Variants in LONP1 observed in about 807,000 individuals in gnomAD.
LONP1 encodes lon peptidase 1, mitochondrial, also known as lon protease homolog, mitochondrial.
A neutral mutation model predicts 98.5 loss-of-function variants in LONP1; 31 were observed. The observed-to-expected ratio is 0.31, with a 90% CI of 0.24 to 0.42. The LOEUF is 0.42. Among genes scored for constraint, LONP1 ranks in the 20% least tolerant of loss-of-function variants. LONP1 has a pLI of 1.00. For missense variants in LONP1, 1,336 were observed against 1,350.6 expected, an observed-to-expected ratio of 0.99 and a Z score of 0.17; for synonymous variants, 781 against 594.7, an observed-to-expected ratio of 1.31 and a Z score of -4.56.
intron 1 of LONP1, among the ~76,000 whole-genome samples, chr19:5,714,623 T>TC (rs1350215056): frequency 4.7e-5 from 7 of 147,722 alleles, no homozygotes; most frequent in Non-Finnish European, 9.0e-5. Context: ...CTTTTCTTTT[T>TC]TTTTTTTTTT....
At chr19:5,699,357 A>G (rs1047700167) in intron 9 of LONP1, 152 bp from the exon 10 acceptor site, 1 of 506,898 alleles carries the variant, frequency 2.0e-6, no homozygotes, top group Non-Finnish European at 3.2e-6. Context: ...CAGAGCTGCC[A>G]CTGGCCACGG....
intron 1 of LONP1, among the ~76,000 whole-genome samples, chr19:5,718,443 A>G (rs2055358744): frequency 6.6e-6 from 1 of 150,742 alleles, no homozygotes; most frequent in South Asian, 2.1e-4. Flanking sequence ...GCGCCACTGC[A>G]CTTTAGCCTA....
chr19:5,702,371 G>A (rs1240802758), intron 8 of LONP1, among the ~76,000 whole-genome samples: 36 of 138,922 alleles, frequency 2.6e-4, no homozygotes, highest in South Asian at 2.4e-4. Context: ...TCAGCCCCCC[G>A]CCCGGCCAGC....
In LONP1 at chr19:5,700,716, A is replaced by G; in HGVS notation, c.1506+73T>C. 1.9e-6 allele frequency: 3 copies of G among 1,581,262 alleles called. No individual in the cohort carries two copies. The South Asian group carries it at 3.4e-5, about 18-fold the overall frequency. On this transcript the variant is annotated intron_variant, in intron 9 of 17. Transcript: ENST00000360614. ...ACCAGGGGGCTCCTTTGAAATCTCAACCCACAGCACACAAGAGTCCTGGGC... is the reference window on the plus strand; with the variant it reads ...ACCAGGGGGCTCCTTTGAAATCTCAGCCCACAGCACACAAGAGTCCTGGGC...
At chr19:5,708,294 A>G in intron 5 of LONP1, 48 bp downstream of exon 5, 1 of 1,563,820 alleles carries the variant, frequency 6.4e-7, no homozygotes, top group South Asian at 1.1e-5. Context: ...CTGCAGAAAG[A>G]GCTGCAGAGA....
intron 17 of LONP1, 112 bp from the exon 18 acceptor site, chr19:5,692,320 G>T: frequency 1.8e-6 from 2 of 1,103,170 alleles, no homozygotes; most frequent in Non-Finnish European, 2.6e-6. Flanking sequence ...AGTGATGCCG[G>T]GTTCTAAGCA....
rs755463789 is a variant in LONP1 at position 5,711,758 on chromosome 19, C to T, written c.870+13G>A. ...AGGCAGCTGTGGCCGCCCTGCGTGA[C>T]GCACGGACTCACTTTCACCTCCTCC... On this transcript the variant is annotated intron_variant, in intron 4 of 17. Coordinates refer to ENST00000360614, the MANE Select transcript of LONP1 (RefSeq NM_004793.4). The T allele has an allele frequency of 2.0e-5, 32 of 1,598,762 alleles. No individual in the cohort carries two copies. Among genetic ancestry groups the T allele is most frequent in the African/African-American group, 5.4e-5 (4 of 74,726 alleles).
intron 8 of LONP1, among the ~76,000 whole-genome samples, chr19:5,704,596 T>C (rs2055113718): frequency 6.6e-6 from 1 of 152,194 alleles, no homozygotes; most frequent in South Asian, 2.1e-4. Context: ...AACTGGTTCC[T>C]GGGCTGAAAA....
At position 5,707,830 on chromosome 19, in the gene LONP1, G is replaced by A; in HGVS notation, c.933-4C>T. 1 of 1,612,722 alleles carries A rather than the reference G, an allele frequency of 6.2e-7. No homozygotes were observed. Among genetic ancestry groups the A allele is most frequent in the Non-Finnish European group, 8.5e-7 (1 of 1,179,752 alleles). ...CATCATCTGCAGCACTGACTCCCTG[G>A]GGGACAAAGGGAGCTGCCTCGGTGG... On this transcript the variant is annotated splice_polypyrimidine_tract_variant and splice_region_variant and intron_variant, in intron 5 of 17. Transcript: ENST00000360614.
Position 5,695,974 on chromosome 19 carries a change from C to T in LONP1, c.2013+80G>A, listed in dbSNP as rs1167087905. On this transcript the variant is annotated intron_variant, in intron 13 of 17. Coordinates refer to ENST00000360614, the MANE Select transcript of LONP1 (RefSeq NM_004793.4). ...TGTCTCTCCCGGGCCCAGGAGCTCC[C>T]AGAGGCACGGCCTCTGCAGGCTCTG... The T allele has an allele frequency of 2.3e-6, 3 of 1,319,154 alleles. No individual in the cohort carries two copies. In the African/African-American group the frequency reaches 4.4e-5, roughly 19 times the overall value. The allele number at this position is 1,319,154 out of a possible 1,614,324, so 81.7% of individuals were successfully genotyped here. A position where few individuals can be genotyped will look rare whatever the true frequency, so the allele number is the denominator to read the frequency against.
At chr19:5,692,270 C>T (rs931720907) in intron 17 of LONP1, 62 bp from the exon 18 acceptor site, 1 of 1,517,108 alleles carries the variant, frequency 6.6e-7, no homozygotes, top group Non-Finnish European at 8.9e-7. Context: ...GTGTGCTAAC[C>T]TCCAGGAACG....
At chr19:5,711,624 G>C (rs2055238092) in intron 4 of LONP1, 147 bp downstream of exon 4, 1 of 648,970 alleles carries the variant, frequency 1.5e-6, no homozygotes, top group South Asian at 2.0e-5. Flanking sequence ...CACCCTCTAT[G>C]TTCCATTAGA....
Position 5,699,142 on chromosome 19 carries a change from G to C in LONP1, c.1570C>G (p.Pro524Ala). The C allele has an allele frequency of 6.4e-7, 1 of 1,560,326 alleles. No homozygotes were observed. Among genetic ancestry groups the C allele is most frequent in the Non-Finnish European group, 8.7e-7 (1 of 1,146,364 alleles). Residue 524 changes from proline (P) to alanine (A), a missense_variant, in exon 10 of 18, where the codon CCC becomes GCC. By Grantham distance (27) the Pro-to-Ala change is conservative. Coordinates refer to ENST00000360614, the MANE Select transcript of LONP1 (RefSeq NM_004793.4). ...TQGKILCFYG[P>A]PGVGKTSIAR... ...ATGCTGGTCTTACCCACGCCAGGGG[G>C]GCCATAGAAGCAGAGGATCTTGCCC...
intron 9 of LONP1, 117 bp from the exon 10 acceptor site, chr19:5,699,322 G>C (rs943144887): frequency 2.6e-6 from 2 of 783,666 alleles, no homozygotes; most frequent in East Asian, 3.2e-5. Flanking sequence ...GAAGGGACCA[G>C]GATTGTCCGG....
At chr19:5,700,340 C>T (rs910115777) in intron 9 of LONP1, among the ~76,000 whole-genome samples, 5 of 152,118 alleles carry the variant, frequency 3.3e-5, no homozygotes, top group African/African-American at 9.7e-5. Flanking sequence ...CTTCAACTCC[C>T]GACCTCAGGT....
chr19:5,713,111 A>G, intron 3 of LONP1, 23 bp downstream of exon 3: 1 of 1,608,470 alleles, frequency 6.2e-7, no homozygotes, highest in Non-Finnish European at 8.5e-7. Flanking sequence ...CCCACCTCCC[A>G]CTGTCCCCCG....
At chr19:5,720,237 G>A (rs898586017), upstream of LONP1, 19 of 1,366,176 alleles carry the variant, frequency 1.4e-5, no homozygotes, top group Non-Finnish European at 1.8e-5. Flanking sequence ...CGCGTGGCTC[G>A]AAACAGCCGC....
chr19:5,707,205 AG>A (rs942882134), intron 6 of LONP1, 62 bp from the exon 7 acceptor site: 20 of 1,395,496 alleles, frequency 1.4e-5, no homozygotes, highest in African/African-American at 2.8e-5. Context: ...TGTAGGGCCG[AG>A]GTTGGGGGAA....
Position 5,691,919 on chromosome 19 carries a change from A to ACCGAGCTGCTCGCTCGGTGGCTC in LONP1, c.*90_*112dup, listed in dbSNP as rs1555707710. On this transcript the variant is annotated 3_prime_UTR_variant, in exon 18 of 18. Coordinates refer to ENST00000360614, the MANE Select transcript of LONP1 (RefSeq NM_004793.4). The stretch of plus-strand genomic sequence containing the variant: ...AGGTCCCTGGGATCTGGGTCACTGG[A>ACCGAGCTGCTCGCTCGGTGGCTC]CCGAGCTGCTCGCTCGGTGGCTCCA... The ACCGAGCTGCTCGCTCGGTGGCTC allele has an allele frequency of 2.4e-6, 3 of 1,226,812 alleles. No homozygotes were observed. Among genetic ancestry groups the ACCGAGCTGCTCGCTCGGTGGCTC allele is most frequent in the Non-Finnish European group, 3.4e-6 (3 of 889,562 alleles). The allele number at this position is 1,226,812 out of a possible 1,614,324, so 76.0% of individuals were successfully genotyped here. A position where few individuals can be genotyped will look rare whatever the true frequency, so the allele number is the denominator to read the frequency against.
Sources: gnomAD v4.1 joint callset for allele counts (sites outside exome capture counted in the v4.1 genomes callset) on GRCh38, gnomAD v4.1.1 for gene constraint, MANE v1.5 for transcripts, NCBI Gene and HGNC (gene_info 2026-07-23, HGNC 2026-07-21) for gene names.